LRRFIP2: variants seen among roughly 807,000 people sequenced by gnomAD.
The protein encoded by LRRFIP2 is leucine-rich repeat flightless-interacting protein 2.
In LRRFIP2, 109 loss-of-function variants were observed where a neutral mutation model predicts 125.9. The observed-to-expected ratio is 0.87, with a 90% CI of 0.74 to 1.01. The LOEUF (loss-of-function observed/expected upper bound fraction) is 1.01, where lower values mean the gene tolerates loss of function less well. Among genes scored for constraint, LRRFIP2 ranks in the 50% least tolerant of loss-of-function variants. LRRFIP2 has a pLI of 0.00. For synonymous variants in LRRFIP2, 291 were observed against 293.1 expected (o/e 0.99, Z 0.07); for missense variants, 850 against 862.3 (o/e 0.99, Z 0.18).
chr3:37,138,722 C>T (rs1290573308), intron 2 of LRRFIP2, among the ~76,000 whole-genome samples: 1 of 152,218 alleles, frequency 6.6e-6, no homozygotes, highest in Non-Finnish European at 1.5e-5. Context: ...CTGGCTATAA[C>T]TTCTGTGGTT....
intron 1 of LRRFIP2, among the ~76,000 whole-genome samples, chr3:37,153,789 ATTC>A (rs149852056): frequency 0.045 from 6,858 of 152,256 alleles, 159 homozygotes; most frequent in Non-Finnish European, 0.047. Flanking sequence ...TATCTTCCTT[ATTC>A]TTCTTGTCAT....
intron 18 of LRRFIP2, among the ~76,000 whole-genome samples, chr3:37,089,782 AAT>A (rs10600400): frequency 0.038 from 5,830 of 152,260 alleles, 321 homozygotes; most frequent in African/African-American, 0.12. Flanking sequence ...ATGTGACTTT[AAT>A]ATATTTATTT....
chr3:37,090,431 T>C (rs1333395682), intron 18 of LRRFIP2, among the ~76,000 whole-genome samples: 1 of 152,118 alleles, frequency 6.6e-6, no homozygotes, highest in Admixed American at 6.6e-5. Context: ...GGTTTCACCA[T>C]GTTAGCCAGG....
chr3:37,113,172 T>C (rs748503951), intron 7 of LRRFIP2, among the ~76,000 whole-genome samples, 192 bp from the exon 8 acceptor site: 20 of 152,208 alleles, frequency 1.3e-4, no homozygotes, highest in Non-Finnish European at 2.6e-4. Context: ...TCTCTACACA[T>C]CTGCATTCCT....
intron 6 of LRRFIP2, among the ~76,000 whole-genome samples, chr3:37,117,983 A>G (rs1030124701): frequency 1.3e-5 from 2 of 152,224 alleles, no homozygotes; most frequent in African/African-American, 4.8e-5. Context: ...AAATTCATTA[A>G]AATTATACCA....
rs1440313245 is a variant in LRRFIP2, at chr3:37,063,213, A to G, written c.1749+529T>C. On this transcript the variant is annotated intron_variant, in intron 24 of 27. Coordinates refer to ENST00000336686, the MANE Select transcript of LRRFIP2 (RefSeq NM_006309.4). Reference sequence around the variant, plus strand: ...TGCAACCTGGCTCCACTGTGTGAGTAGTGTTTAGAGGGTCCTAATGACACA... The same window carrying G: ...TGCAACCTGGCTCCACTGTGTGAGTGGTGTTTAGAGGGTCCTAATGACACA... Among the ~76,000 whole-genome samples the G allele has an allele frequency of 2.0e-5, 3 of 152,238 alleles. No homozygotes were observed. The East Asian group carries it at 5.8e-4, about 29-fold the overall frequency.
At chr3:37,166,350 A>C (rs1381505499) in intron 1 of LRRFIP2, among the ~76,000 whole-genome samples, 3 of 152,040 alleles carry the variant, frequency 2.0e-5, no homozygotes, top group African/African-American at 7.2e-5. Flanking sequence ...ATAAAATAAA[A>C]TAAAATAAAA....
chr3:37,134,473 T>C (rs1363052510), intron 2 of LRRFIP2, among the ~76,000 whole-genome samples: 1 of 152,170 alleles, frequency 6.6e-6, no homozygotes, highest in African/African-American at 2.4e-5. Context: ...ATTGCAAAGC[T>C]ACAGCTCTGG....
chr3:37,112,173 C>T (rs2094568819), intron 8 of LRRFIP2, among the ~76,000 whole-genome samples: 1 of 151,654 alleles, frequency 6.6e-6, no homozygotes, highest in Non-Finnish European at 1.5e-5. Context: ...CCCATCTCTA[C>T]AAAAATACAA....
At chr3:37,173,240 G>A (rs1292810639) in intron 1 of LRRFIP2, among the ~76,000 whole-genome samples, 2 of 151,960 alleles carry the variant, frequency 1.3e-5, no homozygotes, top group African/African-American at 4.8e-5. Flanking sequence ...TCTTGAGACA[G>A]GGTCTCACCC....
At chr3:37,172,012 TA>T (rs887713648) in intron 1 of LRRFIP2, among the ~76,000 whole-genome samples, 7 of 152,222 alleles carry the variant, frequency 4.6e-5, no homozygotes, top group African/African-American at 1.7e-4. Flanking sequence ...CAATATTTTT[TA>T]AATGGAGAGA....
intron 21 of LRRFIP2, among the ~76,000 whole-genome samples, chr3:37,070,248 G>A (rs557981523): frequency 2.0e-5 from 3 of 151,688 alleles, no homozygotes; most frequent in African/African-American, 7.2e-5. Context: ...CAAGTAGCTG[G>A]GATTACAGGT....
At chr3:37,148,400 C>T (rs1403374436) in intron 2 of LRRFIP2, among the ~76,000 whole-genome samples, 2 of 152,158 alleles carry the variant, frequency 1.3e-5, no homozygotes, top group Middle Eastern at 3.2e-3. Flanking sequence ...AAGCCAGCTG[C>T]TGAAATGACC....
chr3:37,137,584 ATCT>A (rs974099010), intron 2 of LRRFIP2, among the ~76,000 whole-genome samples: 19 of 152,138 alleles, frequency 1.2e-4, no homozygotes, highest in African/African-American at 4.3e-4. Context: ...TAGGTAAATA[ATCT>A]TCTCCTTTTA....
intron 4 of LRRFIP2, 74 bp downstream of exon 4, chr3:37,127,556 G>C (rs2095315381): frequency 2.7e-6 from 4 of 1,458,848 alleles, no homozygotes; most frequent in Non-Finnish European, 3.8e-6. Flanking sequence ...CAAACTATTA[G>C]TTAATGTTTT....
rs999036013 is a variant in LRRFIP2, at chr3:37,060,983, C to A, written c.1750-2073G>T. Among the ~76,000 whole-genome samples, 5 of 152,102 alleles carry A rather than the reference C, an allele frequency of 3.3e-5. No homozygotes were observed. The highest frequency in any genetic ancestry group is 4.8e-5 in the African/African-American group (2 of 41,418). On this transcript the variant is annotated intron_variant, in intron 24 of 27. Coordinates refer to ENST00000336686, the MANE Select transcript of LRRFIP2 (RefSeq NM_006309.4). The surrounding 1 kb of genome is among the most constrained non-coding windows in gnomAD (Gnocchi z 4.1). ...GTATTCCCCAGTGCTGAAGGTGGGG[C>A]CTGGCAGGAGGTATCTGGGTCATGG...
intron 24 of LRRFIP2, among the ~76,000 whole-genome samples, chr3:37,061,383 C>CTTTTCT (rs145261675): frequency 1.1e-4 from 17 of 149,104 alleles, no homozygotes; most frequent in East Asian, 3.9e-4. Flanking sequence ...GTTTAAACCT[C>CTTTTCT]TTTTCTTTTT....
chr3:37,091,159 T>C (rs2093412482), intron 18 of LRRFIP2, among the ~76,000 whole-genome samples: 1 of 151,968 alleles, frequency 6.6e-6, no homozygotes, highest in South Asian at 2.1e-4. Flanking sequence ...GAGGATGGCT[T>C]GAGCCCAGGA....
At chr3:37,054,012 G>A (rs1269095399) in intron 27 of LRRFIP2, 51 bp from the exon 28 acceptor site, 1 of 1,069,654 alleles carries the variant, frequency 9.3e-7, no homozygotes, top group East Asian at 2.4e-5. Context: ...ACAACATCCA[G>A]TGCTACTCTA....
Sources: gnomAD v4.1 joint callset for allele counts (sites outside exome capture counted in the v4.1 genomes callset) on GRCh38, gnomAD v4.1.1 for gene constraint, Gnocchi (gnomAD v3.1) non-coding constraint, MANE v1.5 for transcripts, NCBI Gene and HGNC (gene_info 2026-07-23, HGNC 2026-07-21) for gene names.